HIVEP1: variants seen among roughly 807,000 people sequenced by gnomAD.
HIVEP1 encodes the protein zinc finger protein 40.
A neutral mutation model predicts 180.0 loss-of-function variants in HIVEP1; 36 were observed. That is an observed-to-expected ratio of 0.20 (90% CI 0.15 to 0.26). The LOEUF is 0.26. HIVEP1 is among the 10% of genes least tolerant of loss of function. HIVEP1 has a pLI of 1.00. For missense variants in HIVEP1, 3,143 were observed against 3,268.7 expected (o/e 0.96, Z 0.94); for synonymous variants, 1,239 against 1,239.0 (o/e 1.00, Z 0.00).
In HIVEP1 at chr6:12,121,036, C is replaced by T; in HGVS notation, c.1241C>T (p.Ala414Val). ...TATATTTGTGAGTATTGCAATAGAGCATGTGCAAAGCCTAGTGTGCTTTTA... is the reference window on the plus strand; with the variant it reads ...TATATTTGTGAGTATTGCAATAGAGTATGTGCAAAGCCTAGTGTGCTTTTA... ...GKYICEYCNR[A>V]CAKPSVLLKH... The change falls in exon 4 of 9, where the codon GCA becomes GTA. Residue 414 changes from alanine to valine, a missense_variant. Physicochemically the swap from Ala to Val is moderately conservative, Grantham distance 64. Around this residue, in one of 12 missense-constraint regions of HIVEP1, gnomAD observed 28 missense variants for 73.6 expected, o/e 0.38. Coordinates refer to ENST00000379388, the MANE Select transcript of HIVEP1 (RefSeq NM_002114.4). This position sits in a 1 kb window ranked among gnomAD's most constrained non-coding sequence, Gnocchi z 5.3. The T allele has an allele frequency of 6.2e-7, 1 of 1,614,184 alleles. No homozygotes were observed. The highest frequency in any genetic ancestry group is 8.5e-7 in the Non-Finnish European group (1 of 1,180,008).
Position 12,163,288 on chromosome 6 carries a change from A to T in HIVEP1, c.6984A>T (p.Pro2328=). The stretch of plus-strand genomic sequence containing the variant: ...TGCTCTCTCTTGTCATTTAGAGCCC[A>T]TCATCTGTAAGACTTCCTCCTGCTG... The part of the protein sequence containing the change: ...AGKAVAITQS[P]SSVRLPPAAA... The change falls in exon 9 of 9, where the codon CCA becomes CCT. Residue 2328 remains proline (P), a synonymous_variant. Transcript: ENST00000379388. 4.3e-6 allele frequency: 7 copies of T among 1,612,712 alleles called. No individual in the cohort carries two copies. Among genetic ancestry groups the T allele is most frequent in the Non-Finnish European group, 5.9e-6 (7 of 1,179,054 alleles).
intron 2 of HIVEP1, among the ~76,000 whole-genome samples, chr6:12,084,032 G>T (rs543977986): frequency 3.9e-4 from 60 of 152,184 alleles, no homozygotes; most frequent in African/African-American, 1.4e-3. Context: ...AGCAGTTTAG[G>T]ACATGCTTTA....
chr6:12,139,639 T>G (rs1758902300), intron 7 of HIVEP1, among the ~76,000 whole-genome samples: 1 of 152,230 alleles, frequency 6.6e-6, no homozygotes, highest in Non-Finnish European at 1.5e-5. Flanking sequence ...GCCCAAATAC[T>G]GCACTTTTCC....
chr6:12,076,698 G>T (rs1236619508), intron 2 of HIVEP1, among the ~76,000 whole-genome samples: 3 of 152,034 alleles, frequency 2.0e-5, no homozygotes, highest in African/African-American at 7.2e-5. Flanking sequence ...CCTAAACACC[G>T]CCCAGTAGAC....
chr6:12,096,429 A>G (rs1773785258), intron 3 of HIVEP1, among the ~76,000 whole-genome samples: 1 of 151,980 alleles, frequency 6.6e-6, no homozygotes, highest in South Asian at 2.1e-4. Flanking sequence ...AAATGAGACT[A>G]AGTCAGAAGT....
the HIVEP1 span, among the ~76,000 whole-genome samples, chr6:12,209,705 T>G: frequency 2.0e-5 from 3 of 152,198 alleles, no homozygotes; most frequent in Admixed American, 2.0e-4. Context: ...ACTAAGTGCT[T>G]TACGTGTATT....
chr6:12,157,869 A>G (rs1760154894), intron 7 of HIVEP1, among the ~76,000 whole-genome samples: 1 of 152,178 alleles, frequency 6.6e-6, no homozygotes, highest in African/African-American at 2.4e-5. Context: ...TTTCTCTTTC[A>G]TCTTTGAAAA....
At chr6:12,139,360 G>A (rs762522159) in intron 7 of HIVEP1, among the ~76,000 whole-genome samples, 1 of 152,156 alleles carries the variant, frequency 6.6e-6, no homozygotes, top group Non-Finnish European at 1.5e-5. Context: ...CCTCTAGGAG[G>A]ATTCCATTCC....
chr6:12,179,969 A>G, the HIVEP1 span, among the ~76,000 whole-genome samples: 1 of 152,240 alleles, frequency 6.6e-6, no homozygotes, highest in Non-Finnish European at 1.5e-5. Context: ...TTCTTTTAAA[A>G]GACTGGAAAG....
chr6:12,059,204 A>G (rs1473841921), intron 2 of HIVEP1, among the ~76,000 whole-genome samples: 3 of 152,068 alleles, frequency 2.0e-5, no homozygotes, highest in Admixed American at 2.0e-4. Context: ...TACCTAGCTA[A>G]TTTTTGTATT....
intron 2 of HIVEP1, among the ~76,000 whole-genome samples, chr6:12,056,732 TCA>T (rs1770902830): frequency 6.6e-6 from 1 of 152,234 alleles, no homozygotes; most frequent in Non-Finnish European, 1.5e-5. Flanking sequence ...TTCTGGTAGT[TCA>T]CAGTTAAATA....
chr6:12,150,400 G>A (rs867515585), intron 7 of HIVEP1, among the ~76,000 whole-genome samples: 3 of 152,166 alleles, frequency 2.0e-5, no homozygotes, highest in African/African-American at 7.2e-5. Context: ...TTAATATGAC[G>A]AAGTGCAGTG....
intron 2 of HIVEP1, among the ~76,000 whole-genome samples, chr6:12,037,176 G>A (rs1372658020): frequency 6.6e-6 from 1 of 152,168 alleles, no homozygotes; most frequent in Non-Finnish European, 1.5e-5. Flanking sequence ...GAGTGGGTGG[G>A]TGTATATCGT....
chr6:12,107,628 C>G lies in HIVEP1; in HGVS notation c.95-12262C>G, dbSNP rs188532592. Reference sequence around the variant, plus strand: ...CTGCCTTCTGGTGGGTTCGTGGTCTCGCTGGCTCAGGAGTGAAGCTGCAGA... The same window carrying G: ...CTGCCTTCTGGTGGGTTCGTGGTCTGGCTGGCTCAGGAGTGAAGCTGCAGA... On this transcript the variant is annotated intron_variant, in intron 3 of 8. Coordinates refer to ENST00000379388, the MANE Select transcript of HIVEP1 (RefSeq NM_002114.4). Among the ~76,000 whole-genome samples the G allele has an allele frequency of 1.6e-4, 25 of 152,248 alleles. No homozygotes were observed. In the East Asian group the frequency reaches 4.6e-3, roughly 28 times the overall value.
chr6:12,059,846 G>C (rs898777459), intron 2 of HIVEP1, among the ~76,000 whole-genome samples: 3 of 152,156 alleles, frequency 2.0e-5, no homozygotes, highest in Non-Finnish European at 4.4e-5. Context: ...AGGGTACGTA[G>C]CACATTGGTA....
Position 12,123,182 on chromosome 6 carries a change from C to T in HIVEP1, c.3387C>T (p.His1129=), listed in dbSNP as rs375225314. ...AAQDKIELQR[H]GTGISVIQHT... ...AGGACAAGATAGAACTGCAGAGACA[C>T]GGAACTGGAATCTCTGTCATCCAGC... Residue 1129 remains histidine, a synonymous_variant, in exon 4 of 9, where the codon CAC becomes CAT. Transcript: ENST00000379388. 140 of 1,614,066 alleles carry T rather than the reference C, an allele frequency of 8.7e-5. No individual in the cohort carries two copies. Among genetic ancestry groups the T allele is most frequent in the East Asian group, 4.0e-4 (18 of 44,898 alleles).
the HIVEP1 span, among the ~76,000 whole-genome samples, chr6:12,193,243 T>C: frequency 6.6e-6 from 1 of 152,234 alleles, no homozygotes; most frequent in Non-Finnish European, 1.5e-5. Flanking sequence ...ATAGTGTAAT[T>C]TACTTATCCT....
rs1767686271 is a variant in HIVEP1, at chr6:12,015,566, C to T, written c.-63C>T. 4 of 1,399,500 alleles carry T rather than the reference C, an allele frequency of 2.9e-6. No homozygotes were observed. The South Asian group carries it at 4.7e-5, about 17-fold the overall frequency. 86.7% of individuals were successfully genotyped at this position (1,399,500 alleles called of 1,614,324 possible). ...ATGTATGTTGAGTTTATGGAGCTGCCTTTTGGTGGCTTGCTTTATCTGCAG... is the reference window on the plus strand; with the variant it reads ...ATGTATGTTGAGTTTATGGAGCTGCTTTTTGGTGGCTTGCTTTATCTGCAG... On this transcript the variant is annotated 5_prime_UTR_variant, in exon 2 of 9. Transcript: ENST00000379388.
chr6:12,096,851 G>A (rs1382926650), intron 3 of HIVEP1, among the ~76,000 whole-genome samples: 1 of 151,780 alleles, frequency 6.6e-6, no homozygotes, highest in Non-Finnish European at 1.5e-5. Context: ...TAGAAAAGAT[G>A]GACAGATTTT....
Sources: gnomAD v4.1 joint callset for allele counts (sites outside exome capture counted in the v4.1 genomes callset) on GRCh38, gnomAD v4.1.1 for gene constraint, gnomAD v4.1.1 regional missense constraint, Gnocchi (gnomAD v3.1) non-coding constraint, MANE v1.5 for transcripts, NCBI Gene and HGNC (gene_info 2026-07-23, HGNC 2026-07-21) for gene names.